Variants in APOB observed in about 807,000 individuals in gnomAD.
The protein encoded by APOB is apolipoprotein B-100.
Under a neutral mutation model 314.1 loss-of-function variants are expected in APOB, and 153 were observed. The ratio of observed to expected loss-of-function variants is 0.49; its 90% CI spans 0.43 to 0.56. APOB has a LOEUF of 0.56. Among genes scored for constraint, APOB ranks in the 20% least tolerant of loss-of-function variants. The pLI is 0.00. For missense variants in APOB, 5,430 were observed against 5,350.7 expected, an observed-to-expected ratio of 1.01 and a Z score of -0.46; for synonymous variants, 2,087 against 2,036.4, an observed-to-expected ratio of 1.02 and a Z score of -0.67.
At chr2:21,041,691 G>A (rs188025773) in intron 3 of APOB, among the ~76,000 whole-genome samples, 2 of 152,322 alleles carry the variant, frequency 1.3e-5, no homozygotes, top group Non-Finnish European at 2.9e-5. Flanking sequence ...ATGTGACAAC[G>A]AATATGAATT....
intron 6 of APOB, among the ~76,000 whole-genome samples, chr2:21,036,096 C>T (rs919663368): frequency 3.3e-5 from 5 of 152,186 alleles, no homozygotes; most frequent in South Asian, 2.1e-4. Flanking sequence ...AAATGTTGCC[C>T]GCTGAGCTAC....
chr2:21,028,949 C>A (rs1000166750), intron 12 of APOB, among the ~76,000 whole-genome samples: 1 of 152,110 alleles, frequency 6.6e-6, no homozygotes, highest in Admixed American at 6.6e-5. Context: ...AAGAGGGGGC[C>A]AAGTTGGCTA....
rs773353449 is a variant in APOB, at chr2:21,007,727, C to T, written c.9141G>A (p.Thr3047=). The change falls in exon 26 of 29, where the codon ACG becomes ACA. Residue 3047 remains threonine (T), a synonymous_variant. Transcript: ENST00000233242. ...LFFSAQPFEI[T]ASTNNEGNLK... Reference sequence around the variant, plus strand: ...AATTCCCTTCATTGTTTGTGGATGCCGTGATCTCAAATGGCTGGGCTGAAA... The same window carrying T: ...AATTCCCTTCATTGTTTGTGGATGCTGTGATCTCAAATGGCTGGGCTGAAA... 1.7e-5 allele frequency: 28 copies of T among 1,614,026 alleles called. No homozygotes were observed. The highest frequency in any genetic ancestry group is 6.7e-5 in the East Asian group (3 of 44,882).
rs146472818 is a variant in APOB at position 21,011,218 on chromosome 2, T to C, written c.5650A>G (p.Asn1884Asp). The C allele has an allele frequency of 2.5e-5, 40 of 1,614,086 alleles. No individual in the cohort carries two copies. In the African/African-American group the frequency reaches 4.7e-4, roughly 19 times the overall value. ...GLASAIDMST[N>D]YNSDSLHFSN... ...AAATGCAGTGAGTCTGAATTATAGT[T>C]TGTGCTCATGTCAATGGCTGAAGCC... Residue 1884 changes from asparagine to aspartate, a missense_variant, in exon 26 of 29, where the codon AAC becomes GAC. Transcript: ENST00000233242.
In APOB at chr2:21,011,254, T is replaced by C. The variant is rs758708880; in HGVS notation, c.5614A>G (p.Ile1872Val). The C allele has an allele frequency of 1.9e-6, 3 of 1,614,254 alleles. No homozygotes were observed. Among genetic ancestry groups the C allele is most frequent in the Non-Finnish European group, 2.5e-6 (3 of 1,180,034 alleles). Reference protein sequence around the residue: ...VEFSHRLNTDIAGLASAIDMS... With the variant: ...VEFSHRLNTDVAGLASAIDMS... ...TCAATGGCTGAAGCCAGCCCAGCGA[T>C]GTCTGTGTTGAGCCGATGGCTAAAC... Residue 1872 changes from isoleucine to valine, a missense_variant, in exon 26 of 29, where the codon ATC becomes GTC. This residue lies in a region of APOB where 3,281 missense variants were observed against 3,171.0 expected (regional missense o/e 1.03). Coordinates refer to ENST00000233242, the MANE Select transcript of APOB (RefSeq NM_000384.3).
At chr2:21,012,780 G>C (rs535728351) in intron 25 of APOB, 129 bp from the exon 26 acceptor site, 3 of 976,766 alleles carry the variant, frequency 3.1e-6, no homozygotes, top group Non-Finnish European at 4.5e-6. Context: ...TCCTCCATCT[G>C]TAATGCAAAG....
chr2:21,017,666 G>A (rs12713911), intron 20 of APOB, among the ~76,000 whole-genome samples: 250 of 152,270 alleles, frequency 1.6e-3, no homozygotes, highest in Non-Finnish European at 2.8e-3. Flanking sequence ...CAAGATGCCT[G>A]TCCTGGTTCC....
Position 21,023,599 on chromosome 2 carries a change from A to C in APOB, c.2530T>G (p.Leu844Val). Residue 844 changes from leucine (L) to valine (V), a missense_variant, in exon 17 of 29, where the codon TTA becomes GTA. Leu to Val is a conservative substitution (Grantham distance 32). Coordinates refer to ENST00000233242, the MANE Select transcript of APOB (RefSeq NM_000384.3). The part of the protein sequence containing the change: ...NAFELPTGAG[L>V]QLQISSSGVI... ...CCAGATGAAGATATTTGCAACTGTAATCCAGCTCCAGTGGGGAGTTCAAAG... is the reference window on the plus strand; with the variant it reads ...CCAGATGAAGATATTTGCAACTGTACTCCAGCTCCAGTGGGGAGTTCAAAG... 6.2e-7 allele frequency: 1 copy of C among 1,614,186 alleles called. No homozygotes were observed. Among genetic ancestry groups the C allele is most frequent in the Non-Finnish European group, 8.5e-7 (1 of 1,180,010 alleles).
chr2:21,008,821 C>G lies in APOB; in HGVS notation c.8047G>C (p.Glu2683Gln), dbSNP rs373846203. 40 of 1,613,938 alleles carry G rather than the reference C, an allele frequency of 2.5e-5. No individual in the cohort carries two copies. Among genetic ancestry groups the G allele is most frequent in the Non-Finnish European group, 3.3e-5 (39 of 1,179,964 alleles). ...IRTIDQMLNS[E>Q]LQWPVPDIYL... ...ATATCTGGAACGGGCCACTGCAGCT[C>G]ACTGTTCAGCATCTGGTCAATGGTT... is the stretch of plus-strand genomic sequence containing the variant. Residue 2683 changes from glutamate (E) to glutamine (Q), a missense_variant, in exon 26 of 29, where the codon GAG becomes CAG. By Grantham distance (29) the Glu-to-Gln change is conservative. Transcript: ENST00000233242.
intron 6 of APOB, among the ~76,000 whole-genome samples, chr2:21,036,284 C>A (rs1479829264): frequency 6.6e-6 from 1 of 152,122 alleles, no homozygotes; most frequent in Non-Finnish European, 1.5e-5. Context: ...TTGGTGCTGC[C>A]CAGAGTGGGG....
Position 21,004,631 on chromosome 2 carries a change from T to C in APOB, c.11833A>G (p.Thr3945Ala), listed in dbSNP as rs1801698. ...KIEDGTLASKTKGTFAHRDFS... is the reference protein window; with the variant it reads ...KIEDGTLASKAKGTFAHRDFS... ...TCACGGTGTGCAAATGTTCCTTTAG[T>C]CTTAGAGGCTAACGTACCATCTTCG... is the stretch of plus-strand genomic sequence containing the variant. Residue 3945 changes from threonine to alanine, a missense_variant, in exon 27 of 29, where the codon ACT (threonine) becomes GCT (alanine). Physicochemically the swap from Thr to Ala is moderately conservative, Grantham distance 58. Around this residue, in one of 3 missense-constraint regions of APOB, gnomAD observed 3,281 missense variants for 3,171.0 expected, o/e 1.03. Transcript: ENST00000233242. 2.9e-3 allele frequency: 4,729 copies of C among 1,613,980 alleles called. 10 individuals are homozygous for C. The highest frequency in any genetic ancestry group is 3.5e-3 in the Non-Finnish European group (4,148 of 1,179,846).
rs775307632 is a variant in APOB, at chr2:21,010,497, T to C, written c.6371A>G (p.Asp2124Gly). ...ALGKLPQQAN[D>G]YLNSFNWERQ... ...CTCCCAATTGAATGAATTCAGATAATCATTAGCTTGCTGTGGGAGTTTTCC... is the reference window on the plus strand; with the variant it reads ...CTCCCAATTGAATGAATTCAGATAACCATTAGCTTGCTGTGGGAGTTTTCC... The change falls in exon 26 of 29, where the codon GAT becomes GGT. Residue 2124 changes from aspartate to glycine, a missense_variant. Transcript: ENST00000233242. 1 of 1,610,448 alleles carries C rather than the reference T, an allele frequency of 6.2e-7. No homozygotes were observed. The highest frequency in any genetic ancestry group is 8.5e-7 in the Non-Finnish European group (1 of 1,177,194).
chr2:21,035,483 T>A, intron 7 of APOB, 101 bp downstream of exon 7: 1 of 1,493,354 alleles, frequency 6.7e-7, no homozygotes, highest in African/African-American at 1.4e-5. Context: ...TCTCCATTCC[T>A]CCCTCCCAGG....
intron 25 of APOB, 36 bp downstream of exon 25, chr2:21,013,124 C>A (rs777677295): frequency 1.4e-5 from 22 of 1,612,348 alleles, no homozygotes; most frequent in Non-Finnish European, 1.8e-5. Flanking sequence ...CTGCCATGAA[C>A]TAGCCCGGTG....
At position 21,019,077 on chromosome 2, in the gene APOB, C is replaced by G; in HGVS notation, c.3036G>C (p.Glu1012Asp). The change falls in exon 20 of 29, where the codon GAG becomes GAC. Residue 1012 changes from glutamate to aspartate, a missense_variant. Around this residue, in one of 3 missense-constraint regions of APOB, gnomAD observed 2,085 missense variants for 2,079.7 expected, o/e 1.00. Transcript: ENST00000233242. ...CATAGGTTGCGCTGACAGAATACTGCTCAATCTCTCCTGTAGGCCTCAGTT... is the reference window on the plus strand; with the variant it reads ...CATAGGTTGCGCTGACAGAATACTGGTCAATCTCTCCTGTAGGCCTCAGTT... ...ELELRPTGEIEQYSVSATYEL... is the reference protein window; with the variant it reads ...ELELRPTGEIDQYSVSATYEL... The G allele has an allele frequency of 1.9e-6, 3 of 1,614,058 alleles. No homozygotes were observed. Among genetic ancestry groups the G allele is most frequent in the Non-Finnish European group, 2.5e-6 (3 of 1,180,016 alleles).
intron 20 of APOB, among the ~76,000 whole-genome samples, chr2:21,017,235 G>T (rs574866407): frequency 2.0e-5 from 3 of 151,910 alleles, no homozygotes; most frequent in Non-Finnish European, 2.9e-5. Context: ...TGGATTGCCT[G>T]TTATGAGCCT....
chr2:21,011,106 C>G lies in APOB; in HGVS notation c.5762G>C (p.Gly1921Ala). 5 of 1,614,204 alleles carry G rather than the reference C, an allele frequency of 3.1e-6. No homozygotes were observed. The highest frequency in any genetic ancestry group is 4.2e-6 in the Non-Finnish European group (5 of 1,180,032). ...GCTATACAGCTGCCCAGTATGTTCT[C>G]CCCAGAGAGCGAGTTTCCCATTGCC... ...TNGNGKLALW[G>A]EHTGQLYSKF... The change falls in exon 26 of 29, where the codon GGA (glycine) becomes GCA (alanine). Residue 1921 changes from glycine to alanine, a missense_variant. Transcript: ENST00000233242.
Position 21,001,784 on chromosome 2 carries a change from T to G in APOB, c.13638A>C (p.Thr4546=), listed in dbSNP as rs777726812. ...CAAGCTTCATGTAGGGGTTCATGACTGTGGTTGATTGCAGCTTTTTCAGTA... is the reference window on the plus strand; with the variant it reads ...CAAGCTTCATGTAGGGGTTCATGACGGTGGTTGATTGCAGCTTTTTCAGTA... ...TELLKKLQST[T]VMNPYMKLAP... Residue 4546 remains threonine, a synonymous_variant, in exon 29 of 29, where the codon ACA becomes ACC. Coordinates refer to ENST00000233242, the MANE Select transcript of APOB (RefSeq NM_000384.3). The G allele has an allele frequency of 2.7e-5, 43 of 1,614,048 alleles. No homozygotes were observed. In the South Asian group the frequency reaches 4.7e-4, roughly 18 times the overall value.
In APOB at chr2:21,010,808, T is replaced by G; in HGVS notation, c.6060A>C (p.Leu2020=). 2 of 1,614,152 alleles carry G rather than the reference T, an allele frequency of 1.2e-6. No homozygotes were observed. Among genetic ancestry groups the G allele is most frequent in the Non-Finnish European group, 1.7e-6 (2 of 1,180,010 alleles). The change falls in exon 26 of 29, where the codon CTA becomes CTC. Residue 2020 remains leucine (L), a synonymous_variant. Transcript: ENST00000233242. ...TGRTLADLTL[L]DSPIKVPLLL... Reference sequence around the variant, plus strand: ...AAAGTGGCACTTTAATTGGGGAGTCTAGTAGAGTTAGGTCAGCCAGAGTTC... The same window carrying G: ...AAAGTGGCACTTTAATTGGGGAGTCGAGTAGAGTTAGGTCAGCCAGAGTTC...
Sources: gnomAD v4.1 joint callset for allele counts (sites outside exome capture counted in the v4.1 genomes callset) on GRCh38, gnomAD v4.1.1 for gene constraint, gnomAD v4.1.1 regional missense constraint, MANE v1.5 for transcripts, NCBI Gene and HGNC (gene_info 2026-07-23, HGNC 2026-07-21) for gene names.